GNA13: variants seen among roughly 807,000 people sequenced by gnomAD.
The protein encoded by GNA13 is G protein subunit alpha 13.
A neutral mutation model predicts 33.5 loss-of-function variants in GNA13; 4 were observed. The observed-to-expected ratio is 0.12, with a 90% CI of 0.06 to 0.27. GNA13 has a LOEUF of 0.27. GNA13 is among the 10% of genes least tolerant of loss of function. The pLI is 1.00. For missense variants in GNA13, 319 were observed against 487.2 expected (o/e 0.65, Z 3.25); for synonymous variants, 176 against 183.8 (o/e 0.96, Z 0.34).
At chr17:65,046,110 CT>C (rs895326620) in intron 2 of GNA13, among the ~76,000 whole-genome samples, 9 of 152,022 alleles carry the variant, frequency 5.9e-5, no homozygotes, top group African/African-American at 1.9e-4. Flanking sequence ...TCTTGTTTTG[CT>C]TTTTTGTGGA....
intron 2 of GNA13, among the ~76,000 whole-genome samples, chr17:65,044,270 A>G (rs1907573723): frequency 6.6e-6 from 1 of 152,264 alleles, no homozygotes; most frequent in Admixed American, 6.5e-5. Flanking sequence ...TCTCAAAACA[A>G]AACTATTTTC....
intron 2 of GNA13, among the ~76,000 whole-genome samples, chr17:65,029,803 C>A (rs564455572): frequency 2.0e-5 from 3 of 152,220 alleles, no homozygotes; most frequent in African/African-American, 7.2e-5. Context: ...TTATGACATC[C>A]TGTTTCCATC....
chr17:65,041,136 G>A (rs1273527225), intron 2 of GNA13, among the ~76,000 whole-genome samples: 1 of 152,122 alleles, frequency 6.6e-6, no homozygotes, highest in African/African-American at 2.4e-5. Flanking sequence ...TAAGAAAACA[G>A]TAACCAAGAT....
At chr17:65,021,571 C>A (rs1029110105) in intron 2 of GNA13, among the ~76,000 whole-genome samples, 10 of 152,182 alleles carry the variant, frequency 6.6e-5, no homozygotes, top group Admixed American at 1.3e-4. Flanking sequence ...CTCTTCTGCA[C>A]AGCTAAAATA....
intron 2 of GNA13, among the ~76,000 whole-genome samples, chr17:65,029,213 C>T (rs79436077): frequency 3.2e-4 from 49 of 152,254 alleles, no homozygotes; most frequent in African/African-American, 1.2e-3. Context: ...TCCAGCTAGT[C>T]CCAACTGACT....
At chr17:65,056,251 A>AC in intron 1 of GNA13, 60 bp downstream of exon 1, 32 of 740,656 alleles carry the variant, frequency 4.3e-5, no homozygotes, top group Middle Eastern at 4.5e-4. Flanking sequence ...CCCGCCCCGC[A>AC]CCCGCCGCCG....
rs1458772756 is a variant in GNA13 at position 65,012,667 on chromosome 17, C to A, written c.*1590G>T. On this transcript the variant is annotated 3_prime_UTR_variant, in exon 4 of 4. Transcript: ENST00000439174. ...AAAGCCCCACTCTCGTATCAGACAG[C>A]AAGACAGAACAACAGCCACTGACTT... The A allele has an allele frequency of 4.4e-6, 1 of 229,746 alleles. No homozygotes were observed. The highest frequency in any genetic ancestry group is 2.2e-5 in the African/African-American group (1 of 45,026). The allele number at this position is 229,746 out of a possible 1,614,324, so 14.2% of individuals were successfully genotyped here.
chr17:65,026,076 G>C (rs1906771745), intron 2 of GNA13, among the ~76,000 whole-genome samples: 1 of 151,486 alleles, frequency 6.6e-6, no homozygotes, highest in South Asian at 2.1e-4. Context: ...TAAAATGAGA[G>C]GCCTACTCTG....
Position 65,017,837 on chromosome 17 carries a change from T to C in GNA13, c.561+416A>G, listed in dbSNP as rs1048433692. Among the ~76,000 whole-genome samples the C allele has an allele frequency of 3.3e-5, 5 of 152,164 alleles. No homozygotes were observed. In the East Asian group the frequency reaches 7.7e-4, roughly 24 times the overall value. On this transcript the variant is annotated intron_variant, in intron 3 of 3. Coordinates refer to ENST00000439174, the MANE Select transcript of GNA13 (RefSeq NM_006572.6). ...GTTTACAAACAAAAACCTCTAAAGA[T>C]ACTAAAGTATAACAGATAATGCACA... is the stretch of plus-strand genomic sequence containing the variant.
intron 2 of GNA13, among the ~76,000 whole-genome samples, chr17:65,044,525 C>T (rs923399801): frequency 6.6e-6 from 1 of 151,448 alleles, no homozygotes; most frequent in African/African-American, 2.4e-5. Flanking sequence ...AAGCCAGGCA[C>T]GGTGGTGGCT....
intron 2 of GNA13, among the ~76,000 whole-genome samples, chr17:65,031,223 A>G (rs1906995226): frequency 6.6e-6 from 1 of 152,260 alleles, no homozygotes; most frequent in Non-Finnish European, 1.5e-5. Context: ...AGGCAGCTGT[A>G]ATACAATGGT....
intron 1 of GNA13, 64 bp from the exon 2 acceptor site, chr17:65,053,792 T>A: frequency 2.0e-6 from 2 of 1,008,668 alleles, no homozygotes; most frequent in Non-Finnish European, 3.1e-6. Flanking sequence ...CATAAGTTTT[T>A]ATTCCAGTAT....
chr17:65,030,476 C>A (rs1336145948), intron 2 of GNA13, among the ~76,000 whole-genome samples: 1 of 152,154 alleles, frequency 6.6e-6, no homozygotes, highest in Non-Finnish European at 1.5e-5. Flanking sequence ...TAATAATATG[C>A]ATCACACATG....
chr17:65,054,699 G>T (rs560424909), intron 1 of GNA13, among the ~76,000 whole-genome samples: 1 of 152,110 alleles, frequency 6.6e-6, no homozygotes, highest in Non-Finnish European at 1.5e-5. Flanking sequence ...AATGCTCAAC[G>T]TAGATCACAC....
chr17:65,049,200 C>T (rs1907774921), intron 2 of GNA13, among the ~76,000 whole-genome samples: 1 of 152,172 alleles, frequency 6.6e-6, no homozygotes, highest in Non-Finnish European at 1.5e-5. Flanking sequence ...ACCTCCACCT[C>T]CTGAGTTCAA....
At chr17:65,052,369 G>T (rs1428414201) in intron 2 of GNA13, among the ~76,000 whole-genome samples, 1 of 152,192 alleles carries the variant, frequency 6.6e-6, no homozygotes, top group Admixed American at 6.5e-5. Flanking sequence ...GGCCAGGCTG[G>T]TTTCAAACTT....
chr17:65,049,478 G>A (rs537610639), intron 2 of GNA13, among the ~76,000 whole-genome samples: 1 of 152,204 alleles, frequency 6.6e-6, no homozygotes. Context: ...CACTATGCTA[G>A]TAGGAGAGAA....
At chr17:65,038,148 T>C (rs1418024514) in intron 2 of GNA13, among the ~76,000 whole-genome samples, 1 of 152,120 alleles carries the variant, frequency 6.6e-6, no homozygotes. Context: ...CTCATGCCTG[T>C]AATCCCAGCA....
At chr17:65,042,250 C>T (rs893416574) in intron 2 of GNA13, among the ~76,000 whole-genome samples, 3 of 150,606 alleles carry the variant, frequency 2.0e-5, no homozygotes, top group Non-Finnish European at 4.4e-5. Context: ...CCCAGCTACT[C>T]GGGAGCCTGA....
Sources: gnomAD v4.1 joint callset for allele counts (sites outside exome capture counted in the v4.1 genomes callset) on GRCh38, gnomAD v4.1.1 for gene constraint, MANE v1.5 for transcripts, NCBI Gene and HGNC (gene_info 2026-07-23, HGNC 2026-07-21) for gene names.